Variants in KAT6B observed in about 807,000 individuals in gnomAD.
The protein encoded by KAT6B is histone acetyltransferase KAT6B.
In KAT6B, 10 loss-of-function variants were observed where a neutral mutation model predicts 187.5. That is an observed-to-expected ratio of 0.05 (90% CI 0.03 to 0.09). The LOEUF (loss-of-function observed/expected upper bound fraction) is 0.09, where lower values mean the gene tolerates loss of function less well. Ranked by LOEUF, KAT6B falls within the 10% of genes least tolerant of loss-of-function variation. The pLI is 1.00. For synonymous variants in KAT6B, 861 were observed against 926.8 expected (o/e 0.93, Z 1.29); for missense variants, 1,952 against 2,558.9 (o/e 0.76, Z 5.12).
rs367663145 is a variant in KAT6B at position 74,896,982 on chromosome 10, G to A, written c.621+53504G>A. 3.3e-5 allele frequency among the ~76,000 whole-genome samples: 5 copies of A among 152,136 alleles called. No homozygotes were observed. The East Asian group carries it at 7.7e-4, about 23-fold the overall frequency. Reference sequence around the variant, plus strand: ...ATAGTCTTTTCTTTGGTGTGTGTGTGGGGTCAACAATCAAAGAAAGAATTT... The same window carrying A: ...ATAGTCTTTTCTTTGGTGTGTGTGTAGGGTCAACAATCAAAGAAAGAATTT... On this transcript the variant is annotated intron_variant, in intron 3 of 17. Transcript: ENST00000287239.
At chr10:74,987,520 C>T (rs1472043815) in intron 12 of KAT6B, among the ~76,000 whole-genome samples, 1 of 152,136 alleles carries the variant, frequency 6.6e-6, no homozygotes, top group African/African-American at 2.4e-5. Flanking sequence ...ATTCTTGAAC[C>T]ACATTCTAGA....
chr10:74,982,094 AT>A (rs1285313628), intron 11 of KAT6B, 166 bp downstream of exon 11: 2 of 633,292 alleles, frequency 3.2e-6, no homozygotes, highest in African/African-American at 3.7e-5. Context: ...TTATCTAACC[AT>A]ATTAAGCAAC....
intron 1 of KAT6B, among the ~76,000 whole-genome samples, chr10:74,836,106 A>T (rs1402291732): frequency 6.6e-6 from 1 of 152,230 alleles, no homozygotes; most frequent in Non-Finnish European, 1.5e-5. Context: ...TCACAGCATA[A>T]CGTGTTTGAG....
At chr10:74,894,151 C>T (rs1416397355) in intron 3 of KAT6B, among the ~76,000 whole-genome samples, 1 of 152,028 alleles carries the variant, frequency 6.6e-6, no homozygotes, top group Non-Finnish European at 1.5e-5. Flanking sequence ...GGCACGATCT[C>T]GGCTCGCTGC....
intron 3 of KAT6B, among the ~76,000 whole-genome samples, chr10:74,850,870 A>G (rs565375498): frequency 3.9e-5 from 6 of 152,214 alleles, no homozygotes; most frequent in African/African-American, 7.2e-5. Flanking sequence ...TTTAGTGAGA[A>G]TGTCTTCATA....
At chr10:74,939,548 G>A (rs932546379) in intron 3 of KAT6B, among the ~76,000 whole-genome samples, 1 of 151,988 alleles carries the variant, frequency 6.6e-6, no homozygotes, top group Non-Finnish European at 1.5e-5. Context: ...CTATAGGTGT[G>A]CGCCACCACG....
At chr10:74,900,639 G>C (rs978735566) in intron 3 of KAT6B, among the ~76,000 whole-genome samples, 1 of 152,220 alleles carries the variant, frequency 6.6e-6, no homozygotes, top group Non-Finnish European at 1.5e-5. Context: ...CTGGCTAGGG[G>C]GTGAGGGCAC....
At chr10:74,871,185 CTTTTTTTTT>C (rs746074814) in intron 3 of KAT6B, among the ~76,000 whole-genome samples, 1 of 76,738 alleles carries the variant, frequency 1.3e-5, no homozygotes, top group Admixed American at 1.7e-4. Context: ...CAAGCCTGGC[CTTTTTTTTT>C]TTTTTTTTTT....
At chr10:75,020,961 G>T in intron 14 of KAT6B, 148 bp downstream of exon 14, 1 of 991,854 alleles carries the variant, frequency 1.0e-6, no homozygotes. Flanking sequence ...CACATGAAAT[G>T]ACACTTTTTT....
rs146917998 is a variant in KAT6B, at chr10:75,000,422, C to T, written c.2629+11310C>T. ...GGCATTTGATGAAATTCAACATTCT[C>T]TCCTAACTAAAATACTTAAACCTAC... On this transcript the variant is annotated intron_variant, in intron 13 of 17. Coordinates refer to ENST00000287239, the MANE Select transcript of KAT6B (RefSeq NM_012330.4). 2.8e-3 allele frequency among the ~76,000 whole-genome samples: 426 copies of T among 152,178 alleles called. 1 individual carries two copies. Among genetic ancestry groups the T allele is most frequent in the Non-Finnish European group, 4.4e-3 (300 of 68,012 alleles).
At chr10:74,944,357 A>G (rs943463939) in intron 3 of KAT6B, among the ~76,000 whole-genome samples, 4 of 152,218 alleles carry the variant, frequency 2.6e-5, no homozygotes. Context: ...CTGATTTCCC[A>G]TAGCATTCTT....
At chr10:74,985,721 T>C (rs1842764662) in intron 12 of KAT6B, among the ~76,000 whole-genome samples, 1 of 152,130 alleles carries the variant, frequency 6.6e-6, no homozygotes, top group Admixed American at 6.5e-5. Flanking sequence ...TGTGCTATGG[T>C]TTTAAGTTCT....
Position 74,921,110 on chromosome 10 carries a change from T to A in KAT6B, c.622-38860T>A, listed in dbSNP as rs949587633. Reference sequence around the variant, plus strand: ...GTGTATGGGTCACTGTAGTCTAAATTTTTTTTTTTTTTTTTTTTTTTGAGA... The same window carrying A: ...GTGTATGGGTCACTGTAGTCTAAATATTTTTTTTTTTTTTTTTTTTTGAGA... On this transcript the variant is annotated intron_variant, in intron 3 of 17. Coordinates refer to ENST00000287239, the MANE Select transcript of KAT6B (RefSeq NM_012330.4). Among the ~76,000 whole-genome samples, 8 of 80,602 alleles carry A rather than the reference T, an allele frequency of 9.9e-5. No individual in the cohort carries two copies. In the African/African-American group the frequency reaches 2.3e-3, roughly 23 times the overall value. The allele number at this position is 80,602 out of a possible 152,430, so 52.9% of individuals were successfully genotyped here.
At chr10:74,858,351 C>T (rs1409529236) in intron 3 of KAT6B, among the ~76,000 whole-genome samples, 2 of 148,278 alleles carry the variant, frequency 1.3e-5, no homozygotes, top group Admixed American at 1.4e-4. Context: ...GCGGTGTGAT[C>T]ATGGCTCACT....
upstream of KAT6B, among the ~76,000 whole-genome samples, chr10:74,826,390 G>T (rs546002569): frequency 5.5e-5 from 8 of 145,042 alleles, no homozygotes; most frequent in South Asian, 8.3e-4. Context: ...GGTGCCGGAG[G>T]GGGGGATGAT....
intron 11 of KAT6B, chr10:74,982,888 T>C (rs1842600474): frequency 6.6e-6 from 1 of 152,268 alleles, no homozygotes. Context: ...AACTTATTAT[T>C]CTGCCTTACA....
At chr10:74,934,801 A>T (rs1417923101) in intron 3 of KAT6B, among the ~76,000 whole-genome samples, 3 of 152,152 alleles carry the variant, frequency 2.0e-5, no homozygotes, top group Admixed American at 1.3e-4. Context: ...AGAGTTGCTG[A>T]TGGGCTCTTC....
At position 74,875,474 on chromosome 10, in the gene KAT6B, CT is replaced by C. The variant is rs553387866; in HGVS notation, c.621+32011del. Among the ~76,000 whole-genome samples the C allele has an allele frequency of 4.0e-3, 556 of 138,750 alleles. 2 individuals are homozygous for C. The highest frequency in any genetic ancestry group is 7.1e-3 in the African/African-American group (272 of 38,130). 91.0% of individuals were successfully genotyped at this position (138,750 alleles called of 152,430 possible). A position where few individuals can be genotyped will look rare whatever the true frequency, so the allele number is the denominator to read the frequency against. ...AATGGAAAATTGTCTTCCTTTTTTT[CT>C]TTTTTTTTTTTTTTCCCTTGAGATG... On this transcript the variant is annotated intron_variant, in intron 3 of 17. Transcript: ENST00000287239.
chr10:74,970,183 A>T, intron 6 of KAT6B, 82 bp downstream of exon 6: 1 of 1,054,204 alleles, frequency 9.5e-7, no homozygotes, highest in South Asian at 1.3e-5. Flanking sequence ...TCAGAGGTAT[A>T]CAGGTTCTTT....
Sources: gnomAD v4.1 joint callset for allele counts (sites outside exome capture counted in the v4.1 genomes callset) on GRCh38, gnomAD v4.1.1 for gene constraint, MANE v1.5 for transcripts, NCBI Gene and HGNC (gene_info 2026-07-23, HGNC 2026-07-21) for gene names.